Variants in ELAVL4 observed in about 807,000 individuals in gnomAD.
ELAVL4 encodes ELAV like RNA binding protein 4, also known as ELAV-like protein 4.
ELAVL4 carries 1 observed loss-of-function variant against 35.6 expected under a neutral mutation model. The ratio of observed to expected loss-of-function variants is 0.03; its 90% CI spans 0.01 to 0.13. The LOEUF is 0.13. Ranked by LOEUF, ELAVL4 falls within the 10% of genes least tolerant of loss-of-function variation. ELAVL4 has a pLI of 1.00. For synonymous variants in ELAVL4, 156 were observed against 171.0 expected (o/e 0.91, Z 0.69); for missense variants, 267 against 464.9 (o/e 0.57, Z 3.91).
intron 3 of ELAVL4, among the ~76,000 whole-genome samples, chr1:50,177,520 G>A (rs574276554): frequency 6.6e-6 from 1 of 152,342 alleles, no homozygotes; most frequent in Non-Finnish European, 1.5e-5. Flanking sequence ...GCTGAGGCCA[G>A]GAAGCTGTTC....
Position 50,203,229 on chromosome 1 carries a change from A to AT in ELAVL4, c.*2057dup, listed in dbSNP as rs1457242150. The AT allele has an allele frequency of 6.6e-6, 1 of 152,026 alleles. No homozygotes were observed. Among genetic ancestry groups the AT allele is most frequent in the Non-Finnish European group, 1.5e-5 (1 of 67,982 alleles). The allele number at this position is 152,026 out of a possible 1,614,324, so 9.4% of individuals were successfully genotyped here. A position where few individuals can be genotyped will look rare whatever the true frequency, so the allele number is the denominator to read the frequency against. ...TTTATAACTTGTGCTTATTTTGTGC[A>AT]TTTTTTCCCATGCTGAACCCACTAA... On this transcript the variant is annotated 3_prime_UTR_variant, in exon 7 of 7. Transcript: ENST00000371824.
intron 1 of ELAVL4, among the ~76,000 whole-genome samples, chr1:50,120,044 C>G (rs898189038): frequency 6.9e-6 from 1 of 144,948 alleles, no homozygotes; most frequent in Non-Finnish European, 1.5e-5. Flanking sequence ...TCAAATTTTT[C>G]GTTGGAGAAT....
At chr1:50,109,492 A>G in intron 1 of ELAVL4, 1 of 393,474 alleles carries the variant, frequency 2.5e-6, no homozygotes, top group Non-Finnish European at 4.5e-6. Flanking sequence ...AGGTTATATT[A>G]CTTGAGACAT....
At chr1:50,182,901 G>A (rs537814713) in intron 3 of ELAVL4, among the ~76,000 whole-genome samples, 19 of 149,510 alleles carry the variant, frequency 1.3e-4, no homozygotes, top group African/African-American at 3.7e-4. Flanking sequence ...ACAGGGTCTC[G>A]CTTGGGAGTG....
intron 2 of ELAVL4, among the ~76,000 whole-genome samples, chr1:50,169,596 A>G (rs1383732988): frequency 6.6e-6 from 1 of 152,216 alleles, no homozygotes; most frequent in Admixed American, 6.5e-5. Flanking sequence ...GTTCTCTTTT[A>G]TATTCCTAGT....
intron 1 of ELAVL4, among the ~76,000 whole-genome samples, chr1:50,064,726 G>A (rs1032875937): frequency 6.6e-6 from 1 of 152,132 alleles, no homozygotes; most frequent in South Asian, 2.1e-4. Context: ...CCATGTGAAG[G>A]CTTGCTGGAT....
intron 3 of ELAVL4, among the ~76,000 whole-genome samples, chr1:50,184,227 G>C (rs969207604): frequency 6.6e-6 from 1 of 152,080 alleles, no homozygotes; most frequent in African/African-American, 2.4e-5. Context: ...AAGGTGATAC[G>C]TTCCCAGTAT....
intron 1 of ELAVL4, among the ~76,000 whole-genome samples, chr1:50,089,868 A>G (rs918817376): frequency 1.3e-5 from 2 of 152,222 alleles, no homozygotes; most frequent in East Asian, 3.8e-4. Flanking sequence ...TGGGAAGGAT[A>G]AGGCCAAGTA....
At chr1:50,154,533 T>G (rs1557794109) in intron 2 of ELAVL4, among the ~76,000 whole-genome samples, 1 of 152,202 alleles carries the variant, frequency 6.6e-6, no homozygotes, top group African/African-American at 2.4e-5. Flanking sequence ...GCTAATGGAA[T>G]TTCTCATCAC....
intron 3 of ELAVL4, among the ~76,000 whole-genome samples, chr1:50,186,355 T>C (rs1681826598): frequency 6.6e-6 from 1 of 152,206 alleles, no homozygotes; most frequent in African/African-American, 2.4e-5. Flanking sequence ...CAGGGGTCTA[T>C]GGAGATCACC....
At chr1:50,086,460 T>G (rs1021924769) in intron 1 of ELAVL4, among the ~76,000 whole-genome samples, 2 of 142,726 alleles carry the variant, frequency 1.4e-5, no homozygotes, top group Admixed American at 7.3e-5. Context: ...TTTAGTTCCT[T>G]GGAACCATTC....
At chr1:50,113,761 C>T (rs1422249435) in intron 1 of ELAVL4, among the ~76,000 whole-genome samples, 2 of 152,016 alleles carry the variant, frequency 1.3e-5, no homozygotes, top group Non-Finnish European at 2.9e-5. Context: ...TTTTATTTAC[C>T]ACTATCCATT....
At chr1:50,172,204 C>T (rs1679134435) in intron 2 of ELAVL4, among the ~76,000 whole-genome samples, 1 of 151,950 alleles carries the variant, frequency 6.6e-6, no homozygotes, top group Non-Finnish European at 1.5e-5. Flanking sequence ...GAATAATCTC[C>T]AGGATCCTAA....
chr1:50,134,971 G>A (rs1671637365), intron 1 of ELAVL4, among the ~76,000 whole-genome samples: 1 of 152,154 alleles, frequency 6.6e-6, no homozygotes, highest in Admixed American at 6.6e-5. Context: ...TGTGTCTGGG[G>A]AAGAAGATTA....
In ELAVL4 at chr1:50,202,010, G is replaced by A. The variant is rs1370318292; in HGVS notation, c.*832G>A. 4 of 152,124 alleles carry A rather than the reference G, an allele frequency of 2.6e-5. No individual in the cohort carries two copies. The highest frequency in any genetic ancestry group is 2.1e-4 in the South Asian group (1 of 4,832). The allele number at this position is 152,124 out of a possible 1,614,324, so 9.4% of individuals were successfully genotyped here. ...TAGGGGAAATTGACAACTTTGTCGCGTTCATACTGCACTGGTAACTTTTTA... is the reference window on the plus strand; with the variant it reads ...TAGGGGAAATTGACAACTTTGTCGCATTCATACTGCACTGGTAACTTTTTA... On this transcript the variant is annotated 3_prime_UTR_variant, in exon 7 of 7. Transcript: ENST00000371824.
chr1:50,082,909 C>G (rs1469941241), intron 1 of ELAVL4, among the ~76,000 whole-genome samples: 3 of 152,176 alleles, frequency 2.0e-5, no homozygotes, highest in Non-Finnish European at 4.4e-5. Flanking sequence ...TACAAACCAA[C>G]CTTCATTGTG....
intron 2 of ELAVL4, among the ~76,000 whole-genome samples, chr1:50,157,709 C>T (rs886707220): frequency 2.0e-5 from 3 of 152,150 alleles, no homozygotes; most frequent in African/African-American, 7.2e-5. Flanking sequence ...GTGAAAATAG[C>T]GGCTGTGAGT....
chr1:50,149,390 C>CA (rs796077396), intron 2 of ELAVL4, among the ~76,000 whole-genome samples: 15 of 134,092 alleles, frequency 1.1e-4, no homozygotes, highest in Middle Eastern at 3.6e-3. Flanking sequence ...AACTCTGTCT[C>CA]AAAAAAAAAA....
chr1:50,194,921 G>A (rs1643936574), intron 4 of ELAVL4, among the ~76,000 whole-genome samples: 1 of 152,194 alleles, frequency 6.6e-6, no homozygotes. Context: ...TATTCGAGGA[G>A]GATCAGGCAG....
Sources: gnomAD v4.1 joint callset for allele counts (sites outside exome capture counted in the v4.1 genomes callset) on GRCh38, gnomAD v4.1.1 for gene constraint, MANE v1.5 for transcripts, NCBI Gene and HGNC (gene_info 2026-07-23, HGNC 2026-07-21) for gene names.